Variants in CBR4 observed in about 807,000 individuals in gnomAD.
CBR4 encodes 3-oxoacyl-[acyl-carrier-protein] reductase.
A neutral mutation model predicts 21.0 loss-of-function variants in CBR4; 22 were observed. The ratio of observed to expected loss-of-function variants is 1.05; its 90% CI spans 0.75 to 1.50. The LOEUF (loss-of-function observed/expected upper bound fraction) is 1.50. CBR4 is among the 40% of genes most tolerant of loss of function. The pLI is 0.00. For synonymous variants in CBR4, 100 were observed against 104.4 expected, an observed-to-expected ratio of 0.96 and a Z score of 0.26; for missense variants, 302 against 286.3, an observed-to-expected ratio of 1.05 and a Z score of -0.40.
In CBR4 at chr4:168,935,824, G is replaced by A. The variant is rs181184657; in HGVS notation, n.170-41059C>T. On this transcript the variant is annotated intron_variant and non_coding_transcript_variant, in intron 2 of 3. Transcript: ENST00000509108. Reference sequence around the variant, plus strand: ...CACAGCACCTGGGGGAAGGGGTGGCGGTGGGTGCAGCTTCAGCAGACTTAA... The same window carrying A: ...CACAGCACCTGGGGGAAGGGGTGGCAGTGGGTGCAGCTTCAGCAGACTTAA... Among the ~76,000 whole-genome samples, 179 of 152,250 alleles carry A rather than the reference G, an allele frequency of 1.2e-3. 1 individual carries two copies. The highest frequency in any genetic ancestry group is 4.0e-3 in the African/African-American group (167 of 41,548).
intron 2 of CBR4, among the ~76,000 whole-genome samples, chr4:168,935,294 G>A (rs1244080128): frequency 6.6e-6 from 1 of 152,144 alleles, no homozygotes; most frequent in Non-Finnish European, 1.5e-5. Flanking sequence ...CCAGATGCCT[G>A]TGCCACCAAG....
chr4:168,946,611 T>C (rs78618492), intron 2 of CBR4, among the ~76,000 whole-genome samples: 3 of 19,408 alleles, frequency 1.5e-4, no homozygotes, highest in Non-Finnish European at 7.5e-4. Context: ...CTTTAAAAAA[T>C]AGAGTCATTT....
intron 2 of CBR4, chr4:168,897,865 A>G (rs1755563153): frequency 6.7e-6 from 1 of 149,880 alleles, no homozygotes; most frequent in Non-Finnish European, 1.5e-5. Context: ...TGTCAGTCCT[A>G]TTTTTTCTTC....
chr4:168,966,298 G>A (rs1386188989), intron 2 of CBR4, among the ~76,000 whole-genome samples: 3 of 149,644 alleles, frequency 2.0e-5, no homozygotes, highest in East Asian at 3.9e-4. Flanking sequence ...CGGACCACGA[G>A]GTCAGGAGAT....
rs192676879 is a variant in CBR4, at chr4:168,987,781, A to G, written c.*2369T>C. The G allele has an allele frequency of 1.0e-6, 1 of 984,790 alleles. No homozygotes were observed. The highest frequency in any genetic ancestry group is 6.1e-5 in the Admixed American group (1 of 16,270). 61.0% of individuals were successfully genotyped at this position (984,790 alleles called of 1,614,324 possible). A position where few individuals can be genotyped will look rare whatever the true frequency, so the allele number is the denominator to read the frequency against. On this transcript the variant is annotated 3_prime_UTR_variant, in exon 5 of 5. Transcript: ENST00000306193. ...CTGAATAACAGAAGCACGTAAATTA[A>G]ATTATCCTCTTTGCACAATTATTCC...
At chr4:168,978,462 T>C (rs371821667) in intron 2 of CBR4, among the ~76,000 whole-genome samples, 20 of 152,178 alleles carry the variant, frequency 1.3e-4, no homozygotes, top group African/African-American at 4.8e-4. Context: ...GTAGTCAACA[T>C]AAAACAGAAA....
rs147311139 is a variant in CBR4 at position 168,966,972 on chromosome 4, G to A, written n.169+35099C>T. 6.3e-3 allele frequency among the ~76,000 whole-genome samples: 947 copies of A among 150,018 alleles called. 2 individuals carry two copies. Among genetic ancestry groups the A allele is most frequent in the African/African-American group, 0.017 (697 of 40,644 alleles). On this transcript the variant is annotated intron_variant and non_coding_transcript_variant, in intron 2 of 3. Transcript: ENST00000509108. Reference sequence around the variant, plus strand: ...CGAGCTTGCAGCGAGTCCAGATTGCGCCACTGCACTCCAGCCTGGGCAATG... The same window carrying A: ...CGAGCTTGCAGCGAGTCCAGATTGCACCACTGCACTCCAGCCTGGGCAATG...
At chr4:168,970,912 A>G (rs544195006) in intron 2 of CBR4, among the ~76,000 whole-genome samples, 116 of 152,014 alleles carry the variant, frequency 7.6e-4, no homozygotes, top group Non-Finnish European at 1.4e-3. Flanking sequence ...GATTTTTGCA[A>G]TTGTGAATTG....
chr4:168,987,555 T>G (rs17054603), downstream of CBR4: 1 of 702,492 alleles, frequency 1.4e-6, no homozygotes, highest in Non-Finnish European at 1.7e-6. Context: ...TCTACTCTTA[T>G]AGTTGCAGAG....
chr4:168,896,822 GTATTTATT>G (rs528701229), intron 2 of CBR4, among the ~76,000 whole-genome samples: 2 of 151,532 alleles, frequency 1.3e-5, no homozygotes, highest in Non-Finnish European at 2.9e-5. Context: ...TTTACTTTAT[GTATTTATT>G]TATTTATTTA....
intron 2 of CBR4, among the ~76,000 whole-genome samples, chr4:168,895,712 G>A (rs963959393): frequency 6.6e-6 from 1 of 152,080 alleles, no homozygotes; most frequent in Non-Finnish European, 1.5e-5. Flanking sequence ...TTGCAGAAGC[G>A]GAAGAAAATC....
At chr4:169,005,468 T>C (rs1730831613) in intron 3 of CBR4, 1 of 160,588 alleles carries the variant, frequency 6.2e-6, no homozygotes, top group African/African-American at 2.4e-5. Context: ...AAGTAGTCCT[T>C]CCTGTAGTAA....
At chr4:168,950,716 T>C (rs1335896852) in intron 2 of CBR4, among the ~76,000 whole-genome samples, 1 of 152,132 alleles carries the variant, frequency 6.6e-6, no homozygotes, top group Non-Finnish European at 1.5e-5. Flanking sequence ...TTGTGTTGCT[T>C]TCTATCTCAT....
intron 2 of CBR4, among the ~76,000 whole-genome samples, chr4:168,923,771 A>C (rs1306346569): frequency 1.3e-5 from 2 of 152,172 alleles, no homozygotes; most frequent in Non-Finnish European, 2.9e-5. Context: ...ATTCTATGGC[A>C]TGTCTCACTT....
At chr4:168,922,349 CTCTTT>C (rs1761752533) in intron 2 of CBR4, among the ~76,000 whole-genome samples, 1 of 152,156 alleles carries the variant, frequency 6.6e-6, no homozygotes. Flanking sequence ...AGTACCTGAT[CTCTTT>C]TAAGAAAGAA....
chr4:168,910,231 T>C (rs1206015422), intron 2 of CBR4, among the ~76,000 whole-genome samples: 1 of 150,446 alleles, frequency 6.6e-6, no homozygotes. Flanking sequence ...TTTTTTTTTT[T>C]TTTTTTTTTT....
At chr4:168,963,356 C>T (rs1019884919) in intron 2 of CBR4, among the ~76,000 whole-genome samples, 20 of 152,272 alleles carry the variant, frequency 1.3e-4, no homozygotes, top group Admixed American at 1.0e-3. Flanking sequence ...AGCAGAGTTA[C>T]TTACTCATTC....
At chr4:168,982,131 G>C (rs976264484) in intron 2 of CBR4, among the ~76,000 whole-genome samples, 1 of 152,118 alleles carries the variant, frequency 6.6e-6, no homozygotes, top group African/African-American at 2.4e-5. Flanking sequence ...TGGAAAACGG[G>C]ATAAAGAAGC....
rs183380862 is a variant in CBR4, at chr4:168,899,867, G to A, written n.170-5102C>T. ...AGGAGGTGGAGGTTGCAGTGACCAA[G>A]ATCGCGCCATTGCACTCCAGCTCAG... On this transcript the variant is annotated intron_variant and non_coding_transcript_variant, in intron 2 of 3. Transcript: ENST00000509108. Among the ~76,000 whole-genome samples, 726 of 151,048 alleles carry A rather than the reference G, an allele frequency of 4.8e-3. 7 individuals are homozygous for A. Among genetic ancestry groups the A allele is most frequent in the Admixed American group, 5.4e-3 (82 of 15,142 alleles).
Sources: gnomAD v4.1 joint callset for allele counts (sites outside exome capture counted in the v4.1 genomes callset) on GRCh38, gnomAD v4.1.1 for gene constraint, MANE v1.5 for transcripts, NCBI Gene and HGNC (gene_info 2026-07-23, HGNC 2026-07-21) for gene names.